Variants in LRRIQ4 observed in about 807,000 individuals in gnomAD.
LRRIQ4 encodes leucine-rich repeat and IQ domain-containing protein 4.
A neutral mutation model predicts 40.1 loss-of-function variants in LRRIQ4; 21 were observed. The ratio of observed to expected loss-of-function variants is 0.52; its 90% CI spans 0.37 to 0.75. The LOEUF is 0.75. Among genes scored for constraint, LRRIQ4 ranks in the 30% least tolerant of loss-of-function variants. The pLI is 0.00. For missense variants in LRRIQ4, 655 were observed against 660.0 expected (o/e 0.99, Z 0.08); for synonymous variants, 277 against 277.1 (o/e 1.00, Z 0.00).
chr3:169,823,041 G>C (rs1779952459), intron 2 of LRRIQ4, 100 bp downstream of exon 2: 2 of 1,003,938 alleles, frequency 2.0e-6, no homozygotes, highest in Non-Finnish European at 2.8e-6. Flanking sequence ...CTGACTTTAT[G>C]GGCGAAAATC....
chr3:169,836,384 G>A (rs1300664405), intron 5 of LRRIQ4, among the ~76,000 whole-genome samples: 1 of 152,144 alleles, frequency 6.6e-6, no homozygotes, highest in Non-Finnish European at 1.5e-5. Context: ...TCTGGAGGCT[G>A]GAAGTCTAAG....
chr3:169,827,949 C>T lies in LRRIQ4; in HGVS notation c.1021-810C>T, dbSNP rs909629365. On this transcript the variant is annotated intron_variant, in intron 2 of 5. Transcript: ENST00000340806. Reference sequence around the variant, plus strand: ...ACAAGCCTGGGTATTCACTGAAAAGCAGAACATGACACGATAGGATCATAA... The same window carrying T: ...ACAAGCCTGGGTATTCACTGAAAAGTAGAACATGACACGATAGGATCATAA... Among the ~76,000 whole-genome samples the T allele has an allele frequency of 4.6e-5, 7 of 152,260 alleles. No homozygotes were observed. The East Asian group carries it at 5.8e-4, about 13-fold the overall frequency.
Position 169,830,486 on chromosome 3 carries a change from T to C in LRRIQ4, c.1195-6T>C. On this transcript the variant is annotated splice_polypyrimidine_tract_variant and splice_region_variant and intron_variant, in intron 3 of 5. Transcript: ENST00000340806. ...ATATTATTATGGTACACTCATGTTA[T>C]TTCAGAGTCTCAAAGAGCTATATAT... 6.3e-7 allele frequency: 1 copy of C among 1,580,736 alleles called. No homozygotes were observed. Among genetic ancestry groups the C allele is most frequent in the Non-Finnish European group, 8.6e-7 (1 of 1,160,104 alleles).
At chr3:169,835,589 G>A (rs1780287310) in intron 5 of LRRIQ4, among the ~76,000 whole-genome samples, 2 of 152,100 alleles carry the variant, frequency 1.3e-5, no homozygotes, top group African/African-American at 2.4e-5. Flanking sequence ...ACCTATCCAT[G>A]CCTGCACACT....
intron 1 of LRRIQ4, among the ~76,000 whole-genome samples, chr3:169,820,278 TG>T (rs1779854441): frequency 6.6e-6 from 1 of 151,826 alleles, no homozygotes; most frequent in Non-Finnish European, 1.5e-5. Flanking sequence ...TGTGTGTGTG[TG>T]TGTGTGTGTG....
rs55800037 is a variant in LRRIQ4 at position 169,820,249 on chromosome 3, CTGTGTGTGTGTGTG to C, written c.-31-1612_-31-1599del. ...TGTTCTCTGCCTTTCCCCATAGACT[CTGTGTGTGTGTGTG>C]TGTGTGTGTGTGTGTGTGTGTGTGT... On this transcript the variant is annotated intron_variant, in intron 1 of 5. Coordinates refer to ENST00000340806, the MANE Select transcript of LRRIQ4 (RefSeq NM_001080460.3). Among the ~76,000 whole-genome samples, 524 of 143,768 alleles carry C rather than the reference CTGTGTGTGTGTGTG, an allele frequency of 3.6e-3. 1 individual carries two copies. Among genetic ancestry groups the C allele is most frequent in the Admixed American group, 0.012 (177 of 14,412 alleles). The allele number at this position is 143,768 out of a possible 152,430, so 94.3% of individuals were successfully genotyped here. A position where few individuals can be genotyped will look rare whatever the true frequency, so the allele number is the denominator to read the frequency against.
chr3:169,820,700 G>A (rs1453680625), intron 1 of LRRIQ4, among the ~76,000 whole-genome samples: 1 of 152,122 alleles, frequency 6.6e-6, no homozygotes, highest in African/African-American at 2.4e-5. Context: ...ATTTATCAGA[G>A]ACTTTAATTT....
chr3:169,825,344 C>A (rs1183415386), intron 2 of LRRIQ4, among the ~76,000 whole-genome samples: 1 of 152,172 alleles, frequency 6.6e-6, no homozygotes, highest in Non-Finnish European at 1.5e-5. Flanking sequence ...ATTTCTAGAA[C>A]TTTTTTCCCC....
At position 169,828,882 on chromosome 3, in the gene LRRIQ4, G is replaced by T; in HGVS notation, c.1144G>T (p.Asp382Tyr). The T allele has an allele frequency of 6.2e-7, 1 of 1,613,764 alleles. No homozygotes were observed. Among genetic ancestry groups the T allele is most frequent in the Non-Finnish European group, 8.5e-7 (1 of 1,179,876 alleles). ...ASLEKLYIGQ[D>Y]QGFKLTYVPE... ...TTTAGAGAAATTATACATTGGGCAA[G>T]ACCAGGGATTCAAACTTACCTATGT... The change falls in exon 3 of 6, where the codon GAC becomes TAC. Residue 382 changes from aspartate to tyrosine, a missense_variant. By Grantham distance (160) the Asp-to-Tyr change is radical. Transcript: ENST00000340806.
intron 3 of LRRIQ4, 48 bp from the exon 4 acceptor site, chr3:169,830,444 A>C: frequency 2.0e-6 from 2 of 1,023,780 alleles, no homozygotes; most frequent in Non-Finnish European, 2.6e-6. Flanking sequence ...TGGTTATTAT[A>C]ATTAATTAAT....
intron 2 of LRRIQ4, among the ~76,000 whole-genome samples, chr3:169,824,605 TG>T (rs1243982214): frequency 2.0e-5 from 3 of 151,856 alleles, no homozygotes; most frequent in African/African-American, 7.3e-5. Flanking sequence ...CTCTGCCTCC[TG>T]GGTTCAAGCG....
chr3:169,827,078 T>C (rs1167716664), intron 2 of LRRIQ4, among the ~76,000 whole-genome samples: 5 of 152,126 alleles, frequency 3.3e-5, no homozygotes. Flanking sequence ...TGGGAGTGGC[T>C]CAGCTGAGCT....
At chr3:169,835,570 CT>C (rs1780286844) in intron 5 of LRRIQ4, among the ~76,000 whole-genome samples, 1 of 152,084 alleles carries the variant, frequency 6.6e-6, no homozygotes, top group South Asian at 2.1e-4. Flanking sequence ...AGGAAATGGA[CT>C]GTCTTCAACC....
chr3:169,834,445 C>T (rs1560616430), intron 5 of LRRIQ4, among the ~76,000 whole-genome samples: 1 of 152,166 alleles, frequency 6.6e-6, no homozygotes, highest in Non-Finnish European at 1.5e-5. Context: ...TTGAATACTT[C>T]CTAAAAGCAT....
chr3:169,833,591 G>T (rs990475367), intron 5 of LRRIQ4, among the ~76,000 whole-genome samples: 1 of 152,198 alleles, frequency 6.6e-6, no homozygotes, highest in African/African-American at 2.4e-5. Context: ...CATTAATAAG[G>T]ATCAAAAGGC....
Position 169,821,949 on chromosome 3 carries a change from C to T in LRRIQ4, c.28C>T (p.His10Tyr). The stretch of plus-strand genomic sequence containing the variant: ...GTCAAAAGACATAAAATCAGTAGAA[C>T]ATTCACCTAAAATTCATCAGAGAAA... MSKDIKSVE[H>Y]SPKIHQRNDP... The change falls in exon 2 of 6, where the codon CAT (histidine) becomes TAT (tyrosine). Residue 10 changes from histidine (H) to tyrosine (Y), a missense_variant. By Grantham distance (83) the His-to-Tyr change is moderately conservative. Transcript: ENST00000340806. 6 of 1,490,964 alleles carry T rather than the reference C, an allele frequency of 4.0e-6. No homozygotes were observed. The highest frequency in any genetic ancestry group is 5.3e-6 in the Non-Finnish European group (6 of 1,123,502). The allele number at this position is 1,490,964 out of a possible 1,614,324, so 92.4% of individuals were successfully genotyped here.
chr3:169,831,261 CTTTTTTTTTTTT>C (rs869088396), intron 4 of LRRIQ4, among the ~76,000 whole-genome samples: 4 of 33,464 alleles, frequency 1.2e-4, no homozygotes, highest in South Asian at 1.3e-3. Context: ...TATGGCTATT[CTTTTTTTTTTTT>C]TTTTTTTTTT....
rs528489472 is a variant in LRRIQ4 at position 169,824,868 on chromosome 3, A to G, written c.1020+1927A>G. On this transcript the variant is annotated intron_variant, in intron 2 of 5. Coordinates refer to ENST00000340806, the MANE Select transcript of LRRIQ4 (RefSeq NM_001080460.3). ...GCTGTTAAGAGCAAAAGACAACTGT[A>G]GAGGGAGTAAAAAGGGGAATTTGGA... is the stretch of plus-strand genomic sequence containing the variant. Among the ~76,000 whole-genome samples, 92 of 152,326 alleles carry G rather than the reference A, an allele frequency of 6.0e-4. 2 individuals carry two copies. The South Asian group carries it at 0.019, about 31-fold the overall frequency.
rs1195523638 is a variant in LRRIQ4 at position 169,837,492 on chromosome 3, G to C, written c.1544G>C (p.Trp515Ser). 6.2e-7 allele frequency: 1 copy of C among 1,607,012 alleles called. No individual in the cohort carries two copies. The highest frequency in any genetic ancestry group is 8.5e-7 in the Non-Finnish European group (1 of 1,178,218). Residue 515 changes from tryptophan (W) to serine (S), a missense_variant, in exon 6 of 6, where the codon TGG becomes TCG. Trp to Ser is a radical substitution (Grantham distance 177). Coordinates refer to ENST00000340806, the MANE Select transcript of LRRIQ4 (RefSeq NM_001080460.3). ...TCTTGTTTTCAGATTCAGGCATGGT[G>C]GCGTGGAACAATGGTACAGAGAGGA... The part of the protein sequence containing the change: ...NIMATKIQAW[W>S]RGTMVQRGFG...
Sources: allele counts gnomAD v4.1 joint callset (sites outside exome capture counted in the v4.1 genomes callset), GRCh38; gene constraint gnomAD v4.1.1; transcripts MANE v1.5; gene names NCBI Gene and HGNC (gene_info 2026-07-23, HGNC 2026-07-21).